Variants in ERICH6B observed in about 807,000 individuals in gnomAD.
The protein encoded by ERICH6B is glutamate-rich protein 6B.
In ERICH6B, 69 loss-of-function variants were observed where a neutral mutation model predicts 80.0. That is an observed-to-expected ratio of 0.86 (90% CI 0.71 to 1.05). ERICH6B has a LOEUF of 1.05. Ranked by LOEUF, ERICH6B falls within the 50% of genes least tolerant of loss-of-function variation. The pLI, the probability that ERICH6B is intolerant of heterozygous loss-of-function variation, is 0.00. For synonymous variants in ERICH6B, 283 were observed against 291.9 expected (o/e 0.97, Z 0.31); for missense variants, 754 against 796.1 (o/e 0.95, Z 0.64).
At position 45,561,479 on chromosome 13, in the gene ERICH6B, T is replaced by G; in HGVS notation, c.1297A>C (p.Lys433Gln). Residue 433 changes from lysine to glutamine, a missense_variant, in exon 11 of 15, where the codon AAA becomes CAA. By Grantham distance (53) the Lys-to-Gln change is moderately conservative. Transcript: ENST00000298738. The stretch of plus-strand genomic sequence containing the variant: ...GTCTCAGGCTTCTCAGGTGTTGGTT[T>G]GCTCATTAAATGAAATGTGAAACTG... ...MTSFTFHLMS[K>Q]PTPEKPETEE... The G allele has an allele frequency of 6.4e-7, 1 of 1,552,066 alleles. No individual in the cohort carries two copies.
At chr13:45,577,702 C>T (rs549466051) in intron 7 of ERICH6B, among the ~76,000 whole-genome samples, 121 of 152,280 alleles carry the variant, frequency 7.9e-4, no homozygotes, top group South Asian at 2.3e-3. Context: ...TTACAATCCT[C>T]CCACCTCAGT....
chr13:45,600,900 G>T (rs1387981140), intron 2 of ERICH6B, among the ~76,000 whole-genome samples: 2 of 152,126 alleles, frequency 1.3e-5, no homozygotes, highest in African/African-American at 4.8e-5. Flanking sequence ...AGTTCTATAA[G>T]TCCAGTTTTA....
At chr13:45,575,239 G>A (rs1267295878) in intron 7 of ERICH6B, among the ~76,000 whole-genome samples, 1 of 152,234 alleles carries the variant, frequency 6.6e-6, no homozygotes, top group Non-Finnish European at 1.5e-5. Context: ...GTGAAGTAAG[G>A]AATGCGCAGG....
At chr13:45,586,548 C>T (rs529311721) in intron 5 of ERICH6B, among the ~76,000 whole-genome samples, 79 of 152,178 alleles carry the variant, frequency 5.2e-4, no homozygotes, top group African/African-American at 1.6e-3. Context: ...GCTGTAGCCA[C>T]GAAAGTTCAC....
At chr13:45,582,542 G>A (rs762831805) in intron 5 of ERICH6B, among the ~76,000 whole-genome samples, 10 of 152,146 alleles carry the variant, frequency 6.6e-5, no homozygotes, top group African/African-American at 2.4e-4. Context: ...ATCTGACTAT[G>A]TTATCCTCAG....
intron 8 of ERICH6B, among the ~76,000 whole-genome samples, chr13:45,570,001 C>T (rs945678028): frequency 6.6e-6 from 1 of 152,220 alleles, no homozygotes; most frequent in African/African-American, 2.4e-5. Context: ...GTTCTGTTCT[C>T]CAGAAAACAG....
chr13:45,566,975 C>T (rs1338097448), intron 9 of ERICH6B, among the ~76,000 whole-genome samples: 6 of 152,242 alleles, frequency 3.9e-5, no homozygotes, highest in Admixed American at 3.9e-4. Flanking sequence ...GGCAGAGCTG[C>T]CCAAGACCAT....
chr13:45,601,181 C>T (rs940184395), intron 2 of ERICH6B, among the ~76,000 whole-genome samples: 13 of 152,154 alleles, frequency 8.5e-5, no homozygotes, highest in African/African-American at 2.4e-4. Context: ...TTTCCATTTG[C>T]CCATGCTGTA....
rs1875324884 is a variant in ERICH6B at position 45,574,890 on chromosome 13, T to G, written c.1002A>C (p.Ile334=). The G allele has an allele frequency of 6.4e-7, 1 of 1,551,650 alleles. No individual in the cohort carries two copies. ...CCAGCTTGTCAATGGACTCATCTGT[T>G]ATACCATCCCAAAAGTTCTCTTTAG... The part of the protein sequence containing the change: ...FASKENFWDG[I]TDESIDKLEV... Residue 334 remains isoleucine (I), a synonymous_variant, in exon 8 of 15, where the codon ATA becomes ATC. Coordinates refer to ENST00000298738, the MANE Select transcript of ERICH6B (RefSeq NM_182542.3).
intron 3 of ERICH6B, 80 bp downstream of exon 3, chr13:45,596,289 G>A (rs940856076): frequency 2.4e-5 from 35 of 1,447,324 alleles, no homozygotes; most frequent in Non-Finnish European, 2.9e-5. Context: ...TCCCTTTCCA[G>A]ATACTCTTCT....
intron 5 of ERICH6B, among the ~76,000 whole-genome samples, chr13:45,582,265 C>G (rs544574716): frequency 6.6e-6 from 1 of 152,208 alleles, no homozygotes; most frequent in African/African-American, 2.4e-5. Context: ...CACTCCAATG[C>G]AGGGCACAGC....
intron 2 of ERICH6B, among the ~76,000 whole-genome samples, chr13:45,599,680 T>G (rs1299064944): frequency 6.6e-6 from 1 of 152,216 alleles, no homozygotes; most frequent in Non-Finnish European, 1.5e-5. Context: ...TGGGATCTGT[T>G]TCCTTACAGT....
chr13:45,580,678 A>G lies in ERICH6B; in HGVS notation c.857-13T>C. The stretch of plus-strand genomic sequence containing the variant: ...TTTAAAGATTTTACTGTTAAAAGGC[A>G]GAAGAGGGTGGCTATTAATGATTTA... On this transcript the variant is annotated splice_polypyrimidine_tract_variant and intron_variant, in intron 5 of 14. Coordinates refer to ENST00000298738, the MANE Select transcript of ERICH6B (RefSeq NM_182542.3). The G allele has an allele frequency of 9.7e-6, 15 of 1,551,468 alleles. No homozygotes were observed. Among genetic ancestry groups the G allele is most frequent in the Non-Finnish European group, 1.3e-5 (15 of 1,146,836 alleles).
chr13:45,602,895 G>A (rs1218489100), intron 2 of ERICH6B, among the ~76,000 whole-genome samples: 1 of 152,190 alleles, frequency 6.6e-6, no homozygotes, highest in Non-Finnish European at 1.5e-5. Flanking sequence ...CAGAACCAGT[G>A]GGATATATAT....
intron 2 of ERICH6B, among the ~76,000 whole-genome samples, chr13:45,603,487 C>T (rs935352618): frequency 2.0e-5 from 3 of 152,214 alleles, no homozygotes; most frequent in Non-Finnish European, 4.4e-5. Flanking sequence ...CCTGCAATGT[C>T]CTCCCGACTC....
intron 1 of ERICH6B, among the ~76,000 whole-genome samples, chr13:45,611,129 A>G (rs1322893048): frequency 1.3e-5 from 2 of 152,266 alleles, no homozygotes; most frequent in South Asian, 4.1e-4. Flanking sequence ...TTCTTTAACT[A>G]ATTAAGAAAC....
At chr13:45,589,529 C>G (rs1876070302) in intron 4 of ERICH6B, among the ~76,000 whole-genome samples, 1 of 152,158 alleles carries the variant, frequency 6.6e-6, no homozygotes, top group Non-Finnish European at 1.5e-5. Flanking sequence ...TCATCCTCAC[C>G]AAAACCCCGT....
chr13:45,570,880 T>G (rs1289228002), intron 8 of ERICH6B, among the ~76,000 whole-genome samples: 1 of 135,094 alleles, frequency 7.4e-6, no homozygotes, highest in African/African-American at 3.2e-5. Context: ...GCAGGTTCCA[T>G]ATGGCATTCA....
Position 45,572,619 on chromosome 13 carries a change from T to C in ERICH6B, c.1050+2223A>G, listed in dbSNP as rs117069830. Among the ~76,000 whole-genome samples the C allele has an allele frequency of 3.8e-3, 577 of 152,210 alleles. 1 individual carries two copies. Among genetic ancestry groups the C allele is most frequent in the Non-Finnish European group, 6.4e-3 (435 of 68,010 alleles). On this transcript the variant is annotated intron_variant, in intron 8 of 14. Coordinates refer to ENST00000298738, the MANE Select transcript of ERICH6B (RefSeq NM_182542.3). Reference sequence around the variant, plus strand: ...AATCAGAAAAGAAAATACTAATACATGAGACTACCTGCACATAAAAAATGA... The same window carrying C: ...AATCAGAAAAGAAAATACTAATACACGAGACTACCTGCACATAAAAAATGA...
Sources: gnomAD v4.1 joint callset for allele counts (sites outside exome capture counted in the v4.1 genomes callset) on GRCh38, gnomAD v4.1.1 for gene constraint, MANE v1.5 for transcripts, NCBI Gene and HGNC (gene_info 2026-07-23, HGNC 2026-07-21) for gene names.